Variants in MAN1B1 observed in about 807,000 individuals in gnomAD.
The protein encoded by MAN1B1 is endoplasmic reticulum mannosyl-oligosaccharide 1,2-alpha-mannosidase.
Under a neutral mutation model 75.5 loss-of-function variants are expected in MAN1B1, and 66 were observed. That is an observed-to-expected ratio of 0.87 (90% confidence interval 0.72 to 1.07). The LOEUF is 1.07. Among genes scored for constraint, MAN1B1 ranks in the 50% least tolerant of loss-of-function variants. The pLI, the probability that MAN1B1 is intolerant of heterozygous loss-of-function variation, is 0.00. For synonymous variants in MAN1B1, 453 were observed against 382.8 expected (o/e 1.18, Z -2.14); for missense variants, 973 against 912.5 (o/e 1.07, Z -0.85).
chr9:137,103,229 T>G, intron 8 of MAN1B1: 1 of 405,328 alleles, frequency 2.5e-6, no homozygotes, highest in South Asian at 1.6e-5. Flanking sequence ...GTTACACACA[T>G]TCATGGTGTT....
chr9:137,108,899 C>T lies in MAN1B1; in HGVS notation c.*308C>T, dbSNP rs553951756. 9.3e-5 allele frequency: 50 copies of T among 538,990 alleles called. No individual in the cohort carries two copies. The highest frequency in any genetic ancestry group is 2.6e-4 in the African/African-American group (14 of 52,986). 33.4% of individuals were successfully genotyped at this position (538,990 alleles called of 1,614,324 possible). ...CTGTGGGCCGACCAGAGGGGGGCTT[C>T]GAGGTGGTCCCTGGTACTGGGGTGA... On this transcript the variant is annotated 3_prime_UTR_variant, in exon 13 of 13. Transcript: ENST00000371589.
rs758856484 is a variant in MAN1B1 at position 137,101,170 on chromosome 9, G to A, written c.1065+17G>A. The A allele has an allele frequency of 5.6e-6, 9 of 1,613,196 alleles. No individual in the cohort carries two copies. The highest frequency in any genetic ancestry group is 2.2e-5 in the East Asian group (1 of 44,890). Reference sequence around the variant, plus strand: ...AGGAAAGCTGTAAGTGTCTTGGGGTGTCCTGCAGGGAGATGGTGGACTCGC... The same window carrying A: ...AGGAAAGCTGTAAGTGTCTTGGGGTATCCTGCAGGGAGATGGTGGACTCGC... On this transcript the variant is annotated intron_variant, in intron 7 of 12. Transcript: ENST00000371589.
At position 137,099,827 on chromosome 9, in the gene MAN1B1, G is replaced by A. The variant is rs138090529; in HGVS notation, c.862G>A (p.Gly288Ser). The change falls in exon 6 of 13, where the codon GGT becomes AGT. Residue 288 changes from glycine (G) to serine (S), a missense_variant. Coordinates refer to ENST00000371589, the MANE Select transcript of MAN1B1 (RefSeq NM_016219.5). ...GTCCTTCAGTGAGTGGTTTGGCCTC[G>A]GTCTCACACTGATCGACGCGCTGGA... ...SRSFSEWFGL[G>S]LTLIDALDTM... is the part of the protein sequence containing the mutation. 6.4e-5 allele frequency: 104 copies of A among 1,614,198 alleles called. No individual in the cohort carries two copies. In the African/African-American group the frequency reaches 9.7e-4, roughly 15 times the overall value.
intron 3 of MAN1B1, among the ~76,000 whole-genome samples, chr9:137,092,034 A>G (rs1039394114): frequency 2.0e-5 from 3 of 152,174 alleles, no homozygotes; most frequent in Non-Finnish European, 2.9e-5. Context: ...ACAGCCACAC[A>G]TTACCCCTGT....
At chr9:137,092,951 C>T (rs1830552182) in intron 3 of MAN1B1, among the ~76,000 whole-genome samples, 1 of 152,054 alleles carries the variant, frequency 6.6e-6, no homozygotes. Context: ...TATTGGTATT[C>T]CCTTTATTAT....
Position 137,086,985 on chromosome 9 carries a change from G to C in MAN1B1, c.-15G>C. 6.3e-7 allele frequency: 1 copy of C among 1,580,568 alleles called. No individual in the cohort carries two copies. The highest frequency in any genetic ancestry group is 1.2e-5 in the South Asian group (1 of 86,410). ...CGCGTATCCGTGTGATGGGCGGGCT[G>C]TTGACGGCGCTGCGATGGCTGCCTG... On this transcript the variant is annotated 5_prime_UTR_variant, in exon 1 of 13. Transcript: ENST00000371589.
intron 3 of MAN1B1, among the ~76,000 whole-genome samples, chr9:137,093,852 T>G (rs747971308): frequency 9.2e-5 from 14 of 151,752 alleles, no homozygotes; most frequent in Admixed American, 2.0e-4. Context: ...GAGAAAAGAT[T>G]TAAGTTCTCC....
At chr9:137,095,839 C>T (rs1047127179) in intron 3 of MAN1B1, among the ~76,000 whole-genome samples, 5 of 152,172 alleles carry the variant, frequency 3.3e-5, no homozygotes, top group Non-Finnish European at 5.9e-5. Flanking sequence ...CATATGTCAT[C>T]GGAAGCTTTG....
rs865997258 is a variant in MAN1B1, at chr9:137,101,622, C to G, written c.1204C>G (p.Gln402Glu). Reference protein sequence around the residue: ...DSTVAEVTSIQLEFRELSRLT... With the variant: ...DSTVAEVTSIELEFRELSRLT... ...CACTGTGGCCGAGGTGACCAGCATT[C>G]AGCTGGAGTTCCGGGAGCTCTCCCG... Residue 402 changes from glutamine to glutamate, a missense_variant, in exon 8 of 13, where the codon CAG (glutamine) becomes GAG (glutamate). Physicochemically the swap from Gln to Glu is conservative, Grantham distance 29. Coordinates refer to ENST00000371589, the MANE Select transcript of MAN1B1 (RefSeq NM_016219.5). 2 of 1,613,614 alleles carry G rather than the reference C, an allele frequency of 1.2e-6. No individual in the cohort carries two copies. The highest frequency in any genetic ancestry group is 1.7e-6 in the Non-Finnish European group (2 of 1,179,840).
At chr9:137,101,386 C>G in intron 7 of MAN1B1, 98 bp from the exon 8 acceptor site, 1 of 1,259,792 alleles carries the variant, frequency 7.9e-7, no homozygotes, top group East Asian at 2.3e-5. Flanking sequence ...GTGTTGACCC[C>G]AGAGAGCCTT....
chr9:137,093,788 C>A (rs567205343), intron 3 of MAN1B1, among the ~76,000 whole-genome samples: 3 of 151,790 alleles, frequency 2.0e-5, no homozygotes, highest in African/African-American at 7.3e-5. Context: ...GAGCCGAGAT[C>A]GCGCCACTGC....
At position 137,087,074 on chromosome 9, in the gene MAN1B1, C is replaced by T. The variant is rs1252103767; in HGVS notation, c.75C>T (p.Gly25=). The T allele has an allele frequency of 3.1e-6, 5 of 1,602,802 alleles. No individual in the cohort carries two copies. The highest frequency in any genetic ancestry group is 1.7e-5 in the Admixed American group (1 of 58,434). ...SQSDFLTPPV[G]GAPWAVATTV... ...CGGACTTCCTGACGCCGCCAGTGGG[C>T]GGGGCCCCTTGGGCCGTCGCCACCA... Residue 25 remains glycine (G), a synonymous_variant, in exon 1 of 13, where the codon GGC becomes GGT. Transcript: ENST00000371589.
chr9:137,103,521 G>A (rs527251151), intron 8 of MAN1B1: 15,891 of 226,630 alleles, frequency 0.07, no homozygotes, highest in East Asian at 0.23. Context: ...CGTGCAGGCC[G>A]GTGGTGTTAC....
At position 137,106,787 on chromosome 9, in the gene MAN1B1, A is replaced by G. The variant is rs761665668; in HGVS notation, c.1544A>G (p.His515Arg). 1.9e-6 allele frequency: 3 copies of G among 1,613,222 alleles called. No homozygotes were observed. Among genetic ancestry groups the G allele is most frequent in the African/African-American group, 2.7e-5 (2 of 74,922 alleles). Residue 515 changes from histidine (H) to arginine (R), a missense_variant, in exon 10 of 13, where the codon CAC becomes CGC. Physicochemically the swap from His to Arg is conservative, Grantham distance 29. Coordinates refer to ENST00000371589, the MANE Select transcript of MAN1B1 (RefSeq NM_016219.5). ...SKLTFVGELA[H>R]GRFSAKMDHL... ...CTCACCTTTGTGGGGGAGCTTGCCC[A>G]CGGCCGCTTCAGTGCCAAGATGGTG...
chr9:137,089,196 C>A, intron 3 of MAN1B1, 191 bp downstream of exon 3: 1 of 705,064 alleles, frequency 1.4e-6, no homozygotes, highest in East Asian at 2.8e-5. Context: ...TTTTGAAGAC[C>A]AGCCATGGCC....
chr9:137,105,945 T>A, intron 8 of MAN1B1, 180 bp from the exon 9 acceptor site: 1 of 701,574 alleles, frequency 1.4e-6, no homozygotes, highest in Non-Finnish European at 2.6e-6. Flanking sequence ...TGTGTGGCTG[T>A]GTGGTACGGC....
At chr9:137,106,543 G>T in intron 9 of MAN1B1, 146 bp from the exon 10 acceptor site, 1 of 1,324,950 alleles carries the variant, frequency 7.5e-7, no homozygotes, top group Non-Finnish European at 1.1e-6. Context: ...TTCACTGAGG[G>T]CCATGGGCTG....
Position 137,101,601 on chromosome 9 carries a change from G to C in MAN1B1, c.1183G>C (p.Val395Leu), listed in dbSNP as rs896060673. 1.2e-6 allele frequency: 2 copies of C among 1,613,830 alleles called. No homozygotes were observed. The highest frequency in any genetic ancestry group is 1.7e-6 in the Non-Finnish European group (2 of 1,180,026). The change falls in exon 8 of 13, where the codon GTG (valine) becomes CTG (leucine). Residue 395 changes from valine to leucine, a missense_variant. Val to Leu is a conservative substitution (Grantham distance 32). Coordinates refer to ENST00000371589, the MANE Select transcript of MAN1B1 (RefSeq NM_016219.5). ...HPPRWTSDSTVAEVTSIQLEF... is the reference protein window; with the variant it reads ...HPPRWTSDSTLAEVTSIQLEF... ...GCCACGGTGGACCTCCGACAGCACT[G>C]TGGCCGAGGTGACCAGCATTCAGCT...
Position 137,097,947 on chromosome 9 carries a change from C to T in MAN1B1, c.730+10C>T. 3 of 1,543,370 alleles carry T rather than the reference C, an allele frequency of 1.9e-6. No homozygotes were observed. In the East Asian group the frequency reaches 7.3e-5, roughly 38 times the overall value. On this transcript the variant is annotated intron_variant, in intron 5 of 12. Transcript: ENST00000371589. ...ACACAGGGCACACCAGGTGAGGCCA[C>T]ACCTGCACCCCTTCCTCCCCGGGCG...
Sources: gnomAD v4.1 joint callset for allele counts (sites outside exome capture counted in the v4.1 genomes callset) on GRCh38, gnomAD v4.1.1 for gene constraint, MANE v1.5 for transcripts, NCBI Gene and HGNC (gene_info 2026-07-23, HGNC 2026-07-21) for gene names.